The following PXDNL variants were observed in gnomAD, a reference collection of about 807,000 sequenced individuals.
PXDNL encodes peroxidasin like.
In PXDNL, 145 loss-of-function variants were observed where a neutral mutation model predicts 150.8. The ratio of observed to expected loss-of-function variants is 0.96; its 90% CI spans 0.84 to 1.10. The LOEUF is 1.10. Ranked by LOEUF, PXDNL falls within the 50% of genes least tolerant of loss-of-function variation. The pLI is 0.00. For synonymous variants in PXDNL, 757 were observed against 725.7 expected, an observed-to-expected ratio of 1.04 and a Z score of -0.69; for missense variants, 2,087 against 1,873.9, an observed-to-expected ratio of 1.11 and a Z score of -2.10.
intron 6 of PXDNL, among the ~76,000 whole-genome samples, chr8:51,479,231 C>G (rs1357492193): frequency 6.6e-6 from 1 of 152,182 alleles, no homozygotes. Flanking sequence ...TCAAGACTTT[C>G]TCTGAGTCAC....
intron 4 of PXDNL, among the ~76,000 whole-genome samples, chr8:51,528,533 T>C (rs1188602285): frequency 1.3e-5 from 2 of 152,202 alleles, no homozygotes; most frequent in Non-Finnish European, 2.9e-5. Flanking sequence ...CCAAACCTGA[T>C]TGTGTTACAT....
At chr8:51,803,207 G>C (rs2037638789) in intron 1 of PXDNL, among the ~76,000 whole-genome samples, 1 of 152,136 alleles carries the variant, frequency 6.6e-6, no homozygotes, top group African/African-American at 2.4e-5. Flanking sequence ...CAGATAAGGA[G>C]GTCTGTGTCC....
chr8:51,427,773 C>G (rs1033155787), intron 12 of PXDNL, among the ~76,000 whole-genome samples: 1 of 152,094 alleles, frequency 6.6e-6, no homozygotes, highest in African/African-American at 2.4e-5. Context: ...TATACAAAAG[C>G]CCTAGAGTAA....
At chr8:51,493,258 C>T (rs1810943674) in intron 5 of PXDNL, among the ~76,000 whole-genome samples, 1 of 151,020 alleles carries the variant, frequency 6.6e-6, no homozygotes, top group African/African-American at 2.4e-5. Context: ...ACAGAAAGGA[C>T]ATCTACACCA....
chr8:51,604,542 C>T (rs894332984), intron 2 of PXDNL, among the ~76,000 whole-genome samples: 3 of 151,992 alleles, frequency 2.0e-5, no homozygotes, highest in Admixed American at 6.6e-5. Context: ...GAGATATACC[C>T]AATGCTAAAT....
chr8:51,403,466 G>GA (rs894705861), intron 17 of PXDNL, among the ~76,000 whole-genome samples: 1 of 152,142 alleles, frequency 6.6e-6, no homozygotes. Flanking sequence ...ATTCCACTTA[G>GA]AAAAAAGTGT....
At chr8:51,622,302 C>A (rs961654588) in intron 2 of PXDNL, among the ~76,000 whole-genome samples, 3 of 152,090 alleles carry the variant, frequency 2.0e-5, no homozygotes, top group Non-Finnish European at 4.4e-5. Flanking sequence ...GAGGGCCCAG[C>A]CACAGACTCC....
intron 11 of PXDNL, among the ~76,000 whole-genome samples, chr8:51,448,559 G>T (rs1207103009): frequency 6.6e-6 from 1 of 152,046 alleles, no homozygotes; most frequent in Non-Finnish European, 1.5e-5. Context: ...AGAAAAAGTA[G>T]CCGGGCGTGG....
intron 4 of PXDNL, among the ~76,000 whole-genome samples, chr8:51,518,880 C>A (rs1362253822): frequency 2.0e-5 from 3 of 151,524 alleles, no homozygotes; most frequent in Non-Finnish European, 4.4e-5. Context: ...GCAGATGTCA[C>A]CTAATGAAGA....
chr8:51,666,830 G>C (rs1318238934), intron 1 of PXDNL, among the ~76,000 whole-genome samples: 1 of 152,134 alleles, frequency 6.6e-6, no homozygotes, highest in Non-Finnish European at 1.5e-5. Flanking sequence ...GATTTTTGTA[G>C]GAAAGCAAAC....
intron 4 of PXDNL, among the ~76,000 whole-genome samples, chr8:51,530,954 A>G (rs184807009): frequency 9.2e-4 from 140 of 152,364 alleles, no homozygotes; most frequent in Non-Finnish European, 1.7e-3. Context: ...TGCCTAGCAC[A>G]AAATAGATGC....
intron 2 of PXDNL, among the ~76,000 whole-genome samples, chr8:51,642,798 G>T (rs1389398166): frequency 1.3e-5 from 2 of 152,168 alleles, no homozygotes; most frequent in Non-Finnish European, 2.9e-5. Flanking sequence ...AAACCCCATT[G>T]TCTCAGCCCA....
At chr8:51,370,536 C>A (rs1312759133) in intron 19 of PXDNL, among the ~76,000 whole-genome samples, 1 of 152,162 alleles carries the variant, frequency 6.6e-6, no homozygotes, top group East Asian at 1.9e-4. Flanking sequence ...AGAATGCCAC[C>A]CTCCCCGGGG....
At chr8:51,765,058 TTTGTCTTCAA>T (rs1384672342) in intron 1 of PXDNL, among the ~76,000 whole-genome samples, 1 of 152,198 alleles carries the variant, frequency 6.6e-6, no homozygotes, top group African/African-American at 2.4e-5. Context: ...CTAGCATAAA[TTTGTCTTCAA>T]TTGTATGTTG....
At chr8:51,758,302 T>A in intron 1 of PXDNL, among the ~76,000 whole-genome samples, 1 of 152,220 alleles carries the variant, frequency 6.6e-6, no homozygotes, top group Admixed American at 6.5e-5. Context: ...TGTCTAATAT[T>A]CCTTAGCCAC....
At chr8:51,340,885 CT>C (rs1258276683) in intron 20 of PXDNL, among the ~76,000 whole-genome samples, 1 of 152,206 alleles carries the variant, frequency 6.6e-6, no homozygotes, top group African/African-American at 2.4e-5. Context: ...GGACATTTTA[CT>C]TTCATAATGC....
chr8:51,695,364 T>C (rs1328802408), intron 1 of PXDNL, among the ~76,000 whole-genome samples: 2 of 152,198 alleles, frequency 1.3e-5, no homozygotes, highest in African/African-American at 2.4e-5. Context: ...TGTTATCACC[T>C]ATTAAAGCAC....
intron 19 of PXDNL, among the ~76,000 whole-genome samples, chr8:51,359,584 G>C (rs3097703): frequency 2.0e-5 from 3 of 151,710 alleles, no homozygotes; most frequent in African/African-American, 7.3e-5. Flanking sequence ...TGGAGGACAC[G>C]TACAGATATA....
intron 21 of PXDNL, among the ~76,000 whole-genome samples, chr8:51,327,110 T>A: frequency 6.6e-6 from 1 of 152,184 alleles, no homozygotes; most frequent in East Asian, 1.9e-4. Flanking sequence ...TTAGAGATGC[T>A]CCTTCCTCTG....
Sources: gnomAD v4.1 joint callset for allele counts (sites outside exome capture counted in the v4.1 genomes callset) on GRCh38, gnomAD v4.1.1 for gene constraint, MANE v1.5 for transcripts, NCBI Gene and HGNC (gene_info 2026-07-23, HGNC 2026-07-21) for gene names.